The following RTL4 variants were observed in gnomAD, a reference collection of about 807,000 sequenced individuals.
RTL4 encodes the protein retrotransposon Gag-like protein 4.
Under a neutral mutation model 5.3 loss-of-function variants are expected in RTL4, and 4 were observed. That is an observed-to-expected ratio of 0.75 (90% CI 0.37 to 1.72). The LOEUF is 1.72. Among genes scored for constraint, RTL4 ranks in the 40% most tolerant of loss-of-function variants. RTL4 has a pLI of 0.04. For missense variants in RTL4, 260 were observed against 227.1 expected (o/e 1.14, Z -0.93); for synonymous variants, 98 against 87.3 (o/e 1.12, Z -0.68).
the RTL4 span, among the ~76,000 whole-genome samples, chrX:112,289,182 G>A: frequency 8.9e-6 from 1 of 112,009 alleles, no homozygotes; most frequent in African/African-American, 3.2e-5. Context: ...AAATGGTCAG[G>A]GTGCCTGGTA....
At chrX:112,312,290 C>A in the RTL4 span, among the ~76,000 whole-genome samples, 1 of 111,063 alleles carries the variant, frequency 9.0e-6, no homozygotes, top group Non-Finnish European at 1.9e-5. Flanking sequence ...ATTATAAGAA[C>A]TAAATAAGAT....
the RTL4 span, among the ~76,000 whole-genome samples, chrX:112,185,639 A>T: frequency 1.1e-3 from 117 of 106,062 alleles, no homozygotes; most frequent in African/African-American, 3.9e-3. Flanking sequence ...TCTCTCTCTC[A>T]CACACACACG....
At chrX:112,351,811 C>T in the RTL4 span, among the ~76,000 whole-genome samples, 11 of 111,410 alleles carry the variant, frequency 9.9e-5, no homozygotes, top group African/African-American at 3.3e-4. Context: ...TGGGTCTTGA[C>T]TCTTTATCCA....
At chrX:112,207,831 C>A in the RTL4 span, among the ~76,000 whole-genome samples, 1 of 110,349 alleles carries the variant, frequency 9.1e-6, no homozygotes, top group Non-Finnish European at 1.9e-5. Context: ...ACAGCTTGAG[C>A]CACTGGATTG....
chrX:112,449,288 C>G, the RTL4 span, among the ~76,000 whole-genome samples: 1 of 111,379 alleles, frequency 9.0e-6, no homozygotes, highest in Non-Finnish European at 1.9e-5. Context: ...CTCTCTTGCC[C>G]CTAAGCCAGC....
the RTL4 span, among the ~76,000 whole-genome samples, chrX:112,352,511 C>T: frequency 5.4e-5 from 6 of 110,693 alleles, no homozygotes; most frequent in Non-Finnish European, 1.1e-4. Flanking sequence ...TAACAGAGCC[C>T]TCAGAAATAA....
At chrX:112,161,680 C>A in the RTL4 span, among the ~76,000 whole-genome samples, 4 of 110,906 alleles carry the variant, frequency 3.6e-5, no homozygotes, top group Admixed American at 2.9e-4. Flanking sequence ...GACAACAGCA[C>A]CACTGATTTG....
At chrX:112,223,294 C>T in the RTL4 span, among the ~76,000 whole-genome samples, 1 of 112,220 alleles carries the variant, frequency 8.9e-6, no homozygotes, top group East Asian at 2.8e-4. Flanking sequence ...TTTTGGCATC[C>T]TTCCACCACC....
chrX:112,307,570 G>T, the RTL4 span, among the ~76,000 whole-genome samples: 3 of 111,642 alleles, frequency 2.7e-5, no homozygotes, highest in African/African-American at 9.7e-5. Flanking sequence ...CTACTGTACA[G>T]GCCTTACAGG....
the RTL4 span, among the ~76,000 whole-genome samples, chrX:112,326,499 G>C: frequency 1.8e-5 from 2 of 111,997 alleles, no homozygotes; most frequent in Non-Finnish European, 3.8e-5. Flanking sequence ...GGCTCGGAGG[G>C]TCCTACGCCC....
chrX:112,143,072 G>A, the RTL4 span, among the ~76,000 whole-genome samples: 2 of 111,162 alleles, frequency 1.8e-5, no homozygotes, highest in African/African-American at 3.3e-5. Flanking sequence ...CAAGTGATCC[G>A]CCTGCCTCGG....
chrX:112,332,855 A>C, the RTL4 span, among the ~76,000 whole-genome samples: 1 of 111,555 alleles, frequency 9.0e-6, no homozygotes, highest in East Asian at 2.8e-4. Flanking sequence ...ATAAGGTATT[A>C]AAATCTCCAA....
chrX:112,259,524 TGAAA>T, the RTL4 span, among the ~76,000 whole-genome samples: 9 of 110,289 alleles, frequency 8.2e-5, no homozygotes, highest in East Asian at 8.8e-4. Flanking sequence ...TTTTTGCCAT[TGAAA>T]GCAATGGCAA....
At chrX:112,339,039 A>C in the RTL4 span, among the ~76,000 whole-genome samples, 1 of 111,498 alleles carries the variant, frequency 9.0e-6, no homozygotes, top group African/African-American at 3.3e-5. Flanking sequence ...TACAAAATGT[A>C]TGACATGGCT....
the RTL4 span, among the ~76,000 whole-genome samples, chrX:112,212,269 C>T: frequency 9.0e-6 from 1 of 110,847 alleles, no homozygotes; most frequent in Non-Finnish European, 1.9e-5. Context: ...CCCAGATGCT[C>T]GGGAGGCTGA....
the RTL4 span, among the ~76,000 whole-genome samples, chrX:112,340,999 T>A: frequency 1.8e-5 from 2 of 111,618 alleles, no homozygotes; most frequent in African/African-American, 6.5e-5. Flanking sequence ...ATTACAAGCA[T>A]GAGCTACCAC....
the RTL4 span, among the ~76,000 whole-genome samples, chrX:112,441,006 C>A: frequency 3.6e-5 from 4 of 111,154 alleles, no homozygotes; most frequent in East Asian, 2.8e-4. Flanking sequence ...GGTGAAAGGG[C>A]AGAGAACAGA....
chrX:112,313,462 C>A, the RTL4 span, among the ~76,000 whole-genome samples: 3 of 111,123 alleles, frequency 2.7e-5, no homozygotes, highest in Non-Finnish European at 5.7e-5. Context: ...CTGTTATCTC[C>A]ATTCTGCAGG....
chrX:112,166,199 A>C, the RTL4 span, among the ~76,000 whole-genome samples: 1 of 112,069 alleles, frequency 8.9e-6, no homozygotes, highest in African/African-American at 3.2e-5. Context: ...CTCTGAGTCC[A>C]CTAATTGGGA....
Sources: gnomAD v4.1 joint callset for allele counts (sites outside exome capture counted in the v4.1 genomes callset) on GRCh38, gnomAD v4.1.1 for gene constraint, MANE v1.5 for transcripts, NCBI Gene and HGNC (gene_info 2026-07-23, HGNC 2026-07-21) for gene names.